The following CNTNAP3B variants were observed in gnomAD, a reference collection of about 807,000 sequenced individuals.
The protein encoded by CNTNAP3B is contactin associated protein family member 3B, also known as contactin-associated protein-like 3B.
In CNTNAP3B, 25 loss-of-function variants were observed where a neutral mutation model predicts 108.9. The ratio of observed to expected loss-of-function variants is 0.23; its 90% CI spans 0.17 to 0.32. CNTNAP3B has a LOEUF of 0.32. CNTNAP3B is among the 10% of genes least tolerant of loss of function. CNTNAP3B has a pLI of 1.00. For missense variants in CNTNAP3B, 252 were observed against 1,210.4 expected (o/e 0.21, Z 11.75); for synonymous variants, 103 against 473.4 (o/e 0.22, Z 10.16).
chr9:41,956,815 G>T (rs545458891), intron 12 of CNTNAP3B, among the ~76,000 whole-genome samples: 3 of 139,762 alleles, frequency 2.1e-5, no homozygotes, highest in Admixed American at 7.1e-5. Flanking sequence ...TGTAGGTAAG[G>T]TGCTTTCTTC....
At chr9:41,930,372 G>A (rs1243905263) in intron 14 of CNTNAP3B, among the ~76,000 whole-genome samples, 16 of 152,292 alleles carry the variant, frequency 1.1e-4, no homozygotes, top group East Asian at 3.9e-4. Context: ...GTGAGGCCCC[G>A]TCTCTACAAA....
intron 12 of CNTNAP3B, among the ~76,000 whole-genome samples, chr9:41,954,719 T>C (rs1368132374): frequency 6.6e-6 from 1 of 152,284 alleles, no homozygotes; most frequent in Admixed American, 6.5e-5. Flanking sequence ...AGTCTCGCTC[T>C]GTTGCCCAGG....
intron 13 of CNTNAP3B, 25 bp downstream of exon 13, chr9:41,953,158 T>C: frequency 6.6e-7 from 1 of 1,509,868 alleles, no homozygotes; most frequent in Non-Finnish European, 8.8e-7. Context: ...CGTGAGCCCC[T>C]GTAGCCTCCA....
At chr9:41,943,159 G>T (rs1221693191) in intron 13 of CNTNAP3B, among the ~76,000 whole-genome samples, 1 of 152,290 alleles carries the variant, frequency 6.6e-6, no homozygotes, top group Non-Finnish European at 1.5e-5. Flanking sequence ...AAAATCAGAA[G>T]GAAATACAGA....
intron 3 of CNTNAP3B, among the ~76,000 whole-genome samples, chr9:42,055,136 T>G (rs1276820466): frequency 2.9e-5 from 4 of 139,088 alleles, no homozygotes; most frequent in African/African-American, 5.7e-5. Flanking sequence ...TTACATTTAT[T>G]TCAGTTTGTT....
chr9:41,915,767 A>G (rs1469568521), intron 18 of CNTNAP3B, among the ~76,000 whole-genome samples: 1 of 142,536 alleles, frequency 7.0e-6, no homozygotes, highest in African/African-American at 2.7e-5. Flanking sequence ...CTCTCATTCT[A>G]TTAATCTTGT....
chr9:41,928,353 G>T (rs1381581645), intron 15 of CNTNAP3B, among the ~76,000 whole-genome samples: 1 of 152,046 alleles, frequency 6.6e-6, no homozygotes, highest in Non-Finnish European at 1.5e-5. Context: ...CACACACAGT[G>T]GGTAGGTTTG....
Position 41,953,321 on chromosome 9 carries a change from T to G in CNTNAP3B, c.1942A>C (p.Ser648Arg), listed in dbSNP as rs370614516. Residue 648 changes from serine (S) to arginine (R), a missense_variant, in exon 13 of 24, where the codon AGC becomes CGC. Transcript: ENST00000377561. ...PDAVTLRGAPSGHPLSAVSFA... is the reference protein window; with the variant it reads ...PDAVTLRGAPRGHPLSAVSFA... ...GACACAGCCGAGAGCGGGTGCCCGC[T>G]GGGGGCACCTCGGAGGGTCACCGCG... The G allele has an allele frequency of 3.9e-6, 6 of 1,545,708 alleles. No individual in the cohort carries two copies. In the African/African-American group the frequency reaches 8.2e-5, roughly 21 times the overall value.
At chr9:41,925,976 C>A (rs1362774328) in intron 15 of CNTNAP3B, among the ~76,000 whole-genome samples, 2 of 152,300 alleles carry the variant, frequency 1.3e-5, no homozygotes, top group Non-Finnish European at 2.9e-5. Flanking sequence ...TTGCTTCTAG[C>A]CCTCTCAGTA....
At chr9:42,125,449 G>T (rs1828546008) in intron 1 of CNTNAP3B, among the ~76,000 whole-genome samples, 1 of 141,790 alleles carries the variant, frequency 7.1e-6, no homozygotes. Context: ...TACCCAGCAT[G>T]GATGCCTAAG....
At chr9:42,041,787 G>T (rs1310621847) in intron 3 of CNTNAP3B, among the ~76,000 whole-genome samples, 2 of 139,216 alleles carry the variant, frequency 1.4e-5, no homozygotes, top group Admixed American at 1.4e-4. Context: ...ACACATGCAC[G>T]TGTGTTTATT....
At chr9:42,082,894 G>C (rs561794175) in intron 2 of CNTNAP3B, among the ~76,000 whole-genome samples, 1 of 140,002 alleles carries the variant, frequency 7.1e-6, no homozygotes, top group Admixed American at 7.1e-5. Context: ...AAATGGCAAT[G>C]ATGGTCAGAT....
chr9:41,934,130 C>CATATATATACACACAT, intron 14 of CNTNAP3B, among the ~76,000 whole-genome samples: 1 of 116,498 alleles, frequency 8.6e-6, no homozygotes. Flanking sequence ...TATACACACA[C>CATATATATACACACAT]ATATATATAT....
intron 5 of CNTNAP3B, 71 bp downstream of exon 5, chr9:41,998,330 A>T (rs1323108808): frequency 1.2e-6 from 1 of 828,104 alleles, no homozygotes; most frequent in Non-Finnish European, 1.9e-6. Context: ...CTAACTGTGA[A>T]AAGACTGAGT....
chr9:42,033,221 T>A (rs1489805620), intron 3 of CNTNAP3B, among the ~76,000 whole-genome samples: 1 of 144,430 alleles, frequency 6.9e-6, no homozygotes. Context: ...TGTTGGTTAA[T>A]ATTCTTGAAA....
At chr9:41,990,009 G>T (rs1260743189) in intron 8 of CNTNAP3B, among the ~76,000 whole-genome samples, 2 of 138,836 alleles carry the variant, frequency 1.4e-5, no homozygotes, top group Admixed American at 1.5e-4. Flanking sequence ...AGGACAAGTT[G>T]TCCTTTATCT....
intron 8 of CNTNAP3B, among the ~76,000 whole-genome samples, chr9:41,988,238 A>ATTT (rs1209677991): frequency 0.011 from 288 of 25,882 alleles, 63 homozygotes; most frequent in Admixed American, 0.018. Flanking sequence ...CCTTCTTTGA[A>ATTT]TTTTTTTTTT....
At chr9:41,970,933 G>A (rs544595622) in intron 9 of CNTNAP3B, among the ~76,000 whole-genome samples, 2 of 150,638 alleles carry the variant, frequency 1.3e-5, no homozygotes, top group Admixed American at 6.6e-5. Flanking sequence ...CACACTGTTA[G>A]GGTACATAAG....
chr9:41,957,690 T>C (rs1824904048), intron 12 of CNTNAP3B, among the ~76,000 whole-genome samples: 1 of 152,164 alleles, frequency 6.6e-6, no homozygotes, highest in Non-Finnish European at 1.5e-5. Context: ...ATTATAGTTG[T>C]TTAAAGTCCT....
Sources: allele counts gnomAD v4.1 joint callset (sites outside exome capture counted in the v4.1 genomes callset), GRCh38; gene constraint gnomAD v4.1.1; transcripts MANE v1.5; gene names NCBI Gene and HGNC (gene_info 2026-07-23, HGNC 2026-07-21).